The following KAT6A variants were observed in gnomAD, a reference collection of about 807,000 sequenced individuals.
The protein encoded by KAT6A is lysine acetyltransferase 6A.
KAT6A carries 9 observed loss-of-function variants against 198.4 expected under a neutral mutation model. The observed-to-expected ratio is 0.05, with a 90% CI of 0.03 to 0.08. The LOEUF is 0.08. Ranked by LOEUF, KAT6A falls within the 10% of genes least tolerant of loss-of-function variation. The pLI is 1.00. For synonymous variants in KAT6A, 890 were observed against 883.0 expected (o/e 1.01, Z -0.14); for missense variants, 2,077 against 2,509.9 (o/e 0.83, Z 3.69).
intron 9 of KAT6A, 108 bp from the exon 10 acceptor site, chr8:41,949,471 A>T (rs1328415780): frequency 4.6e-6 from 3 of 651,204 alleles, no homozygotes; most frequent in Non-Finnish European, 6.6e-6. Context: ...GTAACAGGTT[A>T]AAAAAAAAAC....
At chr8:41,957,179 G>A (rs370562883) in intron 8 of KAT6A, 14 of 591,460 alleles carry the variant, frequency 2.4e-5, no homozygotes, top group Middle Eastern at 2.8e-4. Flanking sequence ...AACTGCGCAC[G>A]TCTGTCCAGA....
chr8:41,959,036 C>G (rs1823060336), intron 8 of KAT6A, among the ~76,000 whole-genome samples: 1 of 151,872 alleles, frequency 6.6e-6, no homozygotes, highest in African/African-American at 2.4e-5. Context: ...GTGGCGGGCA[C>G]CTGTAGTCCC....
rs757828862 is a variant in KAT6A at position 41,933,793 on chromosome 8, G to A, written c.4427C>T (p.Ala1476Val). 6 of 1,613,936 alleles carry A rather than the reference G, an allele frequency of 3.7e-6. No homozygotes were observed. Among genetic ancestry groups the A allele is most frequent in the Admixed American group, 3.3e-5 (2 of 59,988 alleles). Residue 1476 changes from alanine to valine, a missense_variant, in exon 17 of 17, where the codon GCG (alanine) becomes GTG (valine). Ala to Val is a moderately conservative substitution (Grantham distance 64). This residue lies in a region of KAT6A where 178 missense variants were observed against 220.8 expected (regional missense o/e 0.81). Coordinates refer to ENST00000265713, the MANE Select transcript of KAT6A (RefSeq NM_006766.5). This position sits in a 1 kb window ranked among gnomAD's most constrained non-coding sequence, Gnocchi z 6.2. ...GGAGATAGGGCTATTATGTTCTGAC[G>A]CATGACAGTCTTCAACCATGGACAT... ...PQMSMVEDCH[A>V]SEHNSPISSV...
chr8:41,961,751 CAAAAAAAAAA>C (rs913470847), intron 8 of KAT6A, among the ~76,000 whole-genome samples: 2 of 46,520 alleles, frequency 4.3e-5, no homozygotes, highest in African/African-American at 1.7e-4. Context: ...GACTCCATCT[CAAAAAAAAAA>C]AAAAAAAAAA....
At chr8:42,004,997 C>G (rs1000355701) in intron 2 of KAT6A, among the ~76,000 whole-genome samples, 2 of 151,598 alleles carry the variant, frequency 1.3e-5, no homozygotes, top group African/African-American at 4.8e-5. Flanking sequence ...GTAAGTCTAG[C>G]TTCTTTTGCT....
rs1386153394 is a variant in KAT6A at position 41,933,298 on chromosome 8, TCCA to T, written c.4919_4921del (p.Val1640del). The T allele has an allele frequency of 6.3e-7, 1 of 1,579,566 alleles. No individual in the cohort carries two copies. ...CTGCTGCTGGTTACTGGGAGGCCTCTCCACCACGCAGCTCTGAGGTGACTTGAT... is the reference window on the plus strand; with the variant it reads ...CTGCTGCTGGTTACTGGGAGGCCTCTCCACGCAGCTCTGAGGTGACTTGAT... On this transcript the variant is annotated inframe_deletion, in exon 17 of 17. Coordinates refer to ENST00000265713, the MANE Select transcript of KAT6A (RefSeq NM_006766.5). The surrounding 1 kb of genome is among the most constrained non-coding windows in gnomAD (Gnocchi z 6.2).
rs529130741 is a variant in KAT6A, at chr8:41,996,374, G to A, written c.601-8811C>T. ...GACACACTGGCATATCCAATTAAAA[G>A]AGTATGGAAGAAGTACACATATAAT... On this transcript the variant is annotated intron_variant, in intron 2 of 16. Coordinates refer to ENST00000265713, the MANE Select transcript of KAT6A (RefSeq NM_006766.5). Among the ~76,000 whole-genome samples the A allele has an allele frequency of 8.5e-5, 13 of 152,314 alleles. No individual in the cohort carries two copies. In the South Asian group the frequency reaches 1.5e-3, roughly 17 times the overall value.
At chr8:42,040,247 C>G (rs1251127512) in intron 2 of KAT6A, among the ~76,000 whole-genome samples, 1 of 152,076 alleles carries the variant, frequency 6.6e-6, no homozygotes, top group African/African-American at 2.4e-5. Flanking sequence ...TCTTTACGTT[C>G]CCTTAGCCTA....
In KAT6A at chr8:41,998,698, A is replaced by G. The variant is rs574560425; in HGVS notation, c.601-11135T>C. 6.6e-5 allele frequency among the ~76,000 whole-genome samples: 10 copies of G among 152,222 alleles called. No individual in the cohort carries two copies. In the East Asian group the frequency reaches 9.6e-4, roughly 15 times the overall value. Reference sequence around the variant, plus strand: ...CTCAGAGCCTTTCCTCCTAGATTCTATATCTTCAAGGAAACTATATCTGGG... The same window carrying G: ...CTCAGAGCCTTTCCTCCTAGATTCTGTATCTTCAAGGAAACTATATCTGGG... On this transcript the variant is annotated intron_variant, in intron 2 of 16. Coordinates refer to ENST00000265713, the MANE Select transcript of KAT6A (RefSeq NM_006766.5).
chr8:41,981,380 T>C (rs1396816077), intron 4 of KAT6A, among the ~76,000 whole-genome samples: 3 of 152,234 alleles, frequency 2.0e-5, no homozygotes, highest in African/African-American at 4.8e-5. Context: ...TTAATTTGTA[T>C]TAACTATGTA....
At chr8:41,994,839 C>T (rs1825116949) in intron 2 of KAT6A, among the ~76,000 whole-genome samples, 2 of 152,038 alleles carry the variant, frequency 1.3e-5, no homozygotes, top group South Asian at 4.2e-4. Flanking sequence ...AGGTGGATCA[C>T]GAGGTCAGGA....
intron 2 of KAT6A, among the ~76,000 whole-genome samples, chr8:42,039,725 T>A (rs944656999): frequency 3.3e-5 from 5 of 152,102 alleles, no homozygotes; most frequent in Admixed American, 6.5e-5. Context: ...AAACTTGTAT[T>A]ATTATTATTA....
chr8:41,961,751 CAAAAAAAAA>C (rs913470847), intron 8 of KAT6A, among the ~76,000 whole-genome samples: 2 of 46,522 alleles, frequency 4.3e-5, no homozygotes, highest in Non-Finnish European at 8.9e-5. Context: ...GACTCCATCT[CAAAAAAAAA>C]AAAAAAAAAA....
At chr8:42,029,023 A>G (rs547763041) in intron 2 of KAT6A, among the ~76,000 whole-genome samples, 51 of 152,276 alleles carry the variant, frequency 3.3e-4, no homozygotes, top group Middle Eastern at 3.4e-3. Flanking sequence ...CTTATCTGGG[A>G]AAGAATTTAT....
At chr8:41,969,680 T>C (rs897692041) in intron 8 of KAT6A, among the ~76,000 whole-genome samples, 2 of 152,190 alleles carry the variant, frequency 1.3e-5, no homozygotes, top group South Asian at 2.1e-4. Context: ...TCTTGCTGTT[T>C]CCTTGCTAAA....
At chr8:41,967,839 T>A (rs1823588522) in intron 8 of KAT6A, among the ~76,000 whole-genome samples, 3 of 152,026 alleles carry the variant, frequency 2.0e-5, no homozygotes, top group Admixed American at 6.6e-5. Flanking sequence ...AACTATCTGA[T>A]CTTTGACAAA....
intron 8 of KAT6A, 74 bp from the exon 9 acceptor site, chr8:41,955,485 TA>T (rs1189014410): frequency 1.1e-6 from 1 of 942,556 alleles, no homozygotes; most frequent in African/African-American, 1.7e-5. Flanking sequence ...GTTCTGAATC[TA>T]AATGTTGTCT....
intron 4 of KAT6A, 31 bp from the exon 5 acceptor site, chr8:41,980,958 T>TCATAAGGTTAAGCA: frequency 6.9e-7 from 1 of 1,449,892 alleles, no homozygotes; most frequent in Non-Finnish European, 9.7e-7. Flanking sequence ...CAGTTTTGCT[T>TCATAAGGTTAAGCA]AACCTTATGA....
chr8:42,042,443 C>CA lies in KAT6A; in HGVS notation c.600+5934dup, dbSNP rs113300128. 5.3e-3 allele frequency among the ~76,000 whole-genome samples: 611 copies of CA among 115,658 alleles called. 1 individual carries two copies. The highest frequency in any genetic ancestry group is 1.0e-2 in the South Asian group (36 of 3,614). The allele number at this position is 115,658 out of a possible 152,430, so 75.9% of individuals were successfully genotyped here. A position where few individuals can be genotyped will look rare whatever the true frequency, so the allele number is the denominator to read the frequency against. On this transcript the variant is annotated intron_variant, in intron 2 of 16. Transcript: ENST00000265713. ...GGCAACAAAGCAAGACTCCATCTCT[C>CA]AAAAAAAAAAAAAAAATCCCCATTT...
Sources: gnomAD v4.1 joint callset for allele counts (sites outside exome capture counted in the v4.1 genomes callset) on GRCh38, gnomAD v4.1.1 for gene constraint, gnomAD v4.1.1 regional missense constraint, Gnocchi (gnomAD v3.1) non-coding constraint, MANE v1.5 for transcripts, NCBI Gene and HGNC (gene_info 2026-07-23, HGNC 2026-07-21) for gene names.